Variants in SLC44A1 observed in about 807,000 individuals in gnomAD.
SLC44A1 encodes the protein choline transporter-like protein 1.
In SLC44A1, 26 loss-of-function variants were observed where a neutral mutation model predicts 79.3. The ratio of observed to expected loss-of-function variants is 0.33; its 90% confidence interval spans 0.24 to 0.46. The LOEUF (loss-of-function observed/expected upper bound fraction) is 0.46, where lower values mean the gene tolerates loss of function less well. Among genes scored for constraint, SLC44A1 ranks in the 20% least tolerant of loss-of-function variants. The probability of loss-of-function intolerance (pLI) is 1.00; values close to 1 mark genes in which losing one functional copy is unlikely to be tolerated. For missense variants in SLC44A1, 688 were observed against 798.1 expected (o/e 0.86, Z 1.66); for synonymous variants, 263 against 286.2 (o/e 0.92, Z 0.82).
At chr9:105,371,559 G>A (rs369118982) in intron 12 of SLC44A1, among the ~76,000 whole-genome samples, 3 of 151,926 alleles carry the variant, frequency 2.0e-5, no homozygotes, top group South Asian at 2.1e-4. Context: ...GTGAAACCCC[G>A]TCTCTACTAA....
At chr9:105,386,497 A>G (rs933094926) in intron 15 of SLC44A1, 10 of 915,512 alleles carry the variant, frequency 1.1e-5, no homozygotes, top group African/African-American at 9.0e-5. Flanking sequence ...AGTTTGTCCA[A>G]CTTGCTGCCT....
chr9:105,293,313 G>T (rs1490396464), intron 1 of SLC44A1, among the ~76,000 whole-genome samples: 1 of 152,062 alleles, frequency 6.6e-6, no homozygotes, highest in Admixed American at 6.5e-5. Flanking sequence ...GAATTTTTTG[G>T]GAAGCTTTGT....
chr9:105,353,365 G>T (rs1319060127), intron 5 of SLC44A1, among the ~76,000 whole-genome samples: 1 of 152,000 alleles, frequency 6.6e-6, no homozygotes, highest in Non-Finnish European at 1.5e-5. Context: ...AAAAATGAAG[G>T]ATTTTCATTT....
At chr9:105,287,453 A>G (rs1465656886) in intron 1 of SLC44A1, among the ~76,000 whole-genome samples, 2 of 152,188 alleles carry the variant, frequency 1.3e-5, no homozygotes, top group African/African-American at 4.8e-5. Context: ...TCAGTTTTCA[A>G]ACACACATTT....
chr9:105,413,485 C>T (rs571521844), intron 15 of SLC44A1, among the ~76,000 whole-genome samples: 1 of 152,202 alleles, frequency 6.6e-6, no homozygotes, highest in Non-Finnish European at 1.5e-5. Flanking sequence ...GAACAAAAGA[C>T]ATATTACAAA....
At chr9:105,417,470 A>G (rs1239679182) in intron 15 of SLC44A1, among the ~76,000 whole-genome samples, 1 of 152,146 alleles carries the variant, frequency 6.6e-6, no homozygotes, top group Non-Finnish European at 1.5e-5. Flanking sequence ...GTGGAAAAGC[A>G]TGGAATTTGG....
At position 105,244,846 on chromosome 9, in the gene SLC44A1, C is replaced by A; in HGVS notation, c.-23C>A. The A allele has an allele frequency of 8.9e-7, 1 of 1,124,428 alleles. No homozygotes were observed. Among genetic ancestry groups the A allele is most frequent in the Middle Eastern group, 3.8e-4 (1 of 2,648 alleles). 69.7% of individuals were successfully genotyped at this position (1,124,428 alleles called of 1,614,324 possible). A position where few individuals can be genotyped will look rare whatever the true frequency, so the allele number is the denominator to read the frequency against. On this transcript the variant is annotated 5_prime_UTR_variant, in exon 1 of 16. Transcript: ENST00000374720. Reference sequence around the variant, plus strand: ...GGCGTAGCTGCGCGCCCGGCGCCGCCTCCGGGCTCCTTCGGCCCCGCCATG... The same window carrying A: ...GGCGTAGCTGCGCGCCCGGCGCCGCATCCGGGCTCCTTCGGCCCCGCCATG...
chr9:105,338,322 A>T (rs1289738888), intron 4 of SLC44A1, among the ~76,000 whole-genome samples: 1 of 152,186 alleles, frequency 6.6e-6, no homozygotes, highest in Non-Finnish European at 1.5e-5. Flanking sequence ...ATAAGATTTA[A>T]TTCCAATATT....
chr9:105,255,102 T>G (rs1223308971), intron 1 of SLC44A1, among the ~76,000 whole-genome samples: 4 of 135,548 alleles, frequency 3.0e-5, no homozygotes, highest in South Asian at 2.3e-4. Context: ...GGTTTTTTTG[T>G]TTTTTTTTTT....
chr9:105,255,226 AC>A (rs1445444463), intron 1 of SLC44A1, among the ~76,000 whole-genome samples: 1 of 152,106 alleles, frequency 6.6e-6, no homozygotes, highest in African/African-American at 2.4e-5. Flanking sequence ...AAGGAAATAA[AC>A]CAGTGTGTAA....
chr9:105,408,530 C>G (rs946022859), intron 15 of SLC44A1, among the ~76,000 whole-genome samples: 2 of 152,154 alleles, frequency 1.3e-5, no homozygotes, highest in African/African-American at 4.8e-5. Context: ...CTGCCTCAGC[C>G]TCCTGAGTAG....
chr9:105,297,347 A>ATT (rs1830750688), intron 1 of SLC44A1, among the ~76,000 whole-genome samples: 1 of 152,184 alleles, frequency 6.6e-6, no homozygotes, highest in South Asian at 2.1e-4. Context: ...AATTCCCTAA[A>ATT]TTCTTATGAA....
chr9:105,352,284 T>G (rs1323962699), intron 5 of SLC44A1, among the ~76,000 whole-genome samples: 1 of 152,210 alleles, frequency 6.6e-6, no homozygotes, highest in African/African-American at 2.4e-5. Flanking sequence ...TAATTGTTTA[T>G]TTATAACCTG....
chr9:105,304,874 T>C (rs1457978588), intron 2 of SLC44A1, among the ~76,000 whole-genome samples: 2 of 151,620 alleles, frequency 1.3e-5, no homozygotes, highest in Non-Finnish European at 2.9e-5. Flanking sequence ...TCAATTCTTT[T>C]AGGGTAAACC....
intron 1 of SLC44A1, among the ~76,000 whole-genome samples, chr9:105,264,867 G>T (rs1829923620): frequency 6.6e-6 from 1 of 151,692 alleles, no homozygotes; most frequent in African/African-American, 2.4e-5. Context: ...TGCGATCTCG[G>T]CTCACCACAA....
intron 1 of SLC44A1, among the ~76,000 whole-genome samples, chr9:105,288,692 A>G (rs1384614405): frequency 1.3e-5 from 2 of 152,190 alleles, no homozygotes; most frequent in African/African-American, 4.8e-5. Context: ...TCTGAAATGT[A>G]TTGCCAAATT....
At chr9:105,404,601 C>T (rs1829004494) in intron 15 of SLC44A1, among the ~76,000 whole-genome samples, 1 of 152,210 alleles carries the variant, frequency 6.6e-6, no homozygotes, top group Admixed American at 6.5e-5. Flanking sequence ...ATGTTATATG[C>T]TCAGCCTGTG....
chr9:105,419,334 T>C (rs1043423003), intron 15 of SLC44A1, among the ~76,000 whole-genome samples: 11 of 152,310 alleles, frequency 7.2e-5, no homozygotes, highest in African/African-American at 2.6e-4. Context: ...GTAAATTTTA[T>C]CTGTGTTTAA....
intron 13 of SLC44A1, among the ~76,000 whole-genome samples, chr9:105,381,064 C>T (rs1356466631): frequency 2.0e-5 from 3 of 152,240 alleles, no homozygotes; most frequent in Admixed American, 6.5e-5. Flanking sequence ...TTTGTCTCAG[C>T]GTCTAGTTTG....
Sources: allele counts gnomAD v4.1 joint callset (sites outside exome capture counted in the v4.1 genomes callset), GRCh38; gene constraint gnomAD v4.1.1; transcripts MANE v1.5; gene names NCBI Gene and HGNC (gene_info 2026-07-23, HGNC 2026-07-21).